TMEM182: variants seen among roughly 807,000 people sequenced by gnomAD.
TMEM182 encodes transmembrane protein 182.
In TMEM182, 20 loss-of-function variants were observed where a neutral mutation model predicts 26.8. The observed-to-expected ratio is 0.75, with a 90% CI of 0.53 to 1.09. TMEM182 has a LOEUF of 1.09. Among genes scored for constraint, TMEM182 ranks in the 50% least tolerant of loss-of-function variants. The pLI is 0.00. For missense variants in TMEM182, 277 were observed against 275.5 expected (o/e 1.01, Z -0.04); for synonymous variants, 109 against 102.2 (o/e 1.07, Z -0.40).
chr2:102,767,239 T>C (rs1258729950), intron 3 of TMEM182, among the ~76,000 whole-genome samples: 1 of 152,216 alleles, frequency 6.6e-6, no homozygotes, highest in Non-Finnish European at 1.5e-5. Context: ...GTTTTCTTTC[T>C]TTTAAAAGAA....
rs1680259495 is a variant in TMEM182, at chr2:102,762,614, G to T, written c.160G>T (p.Gly54Trp). The stretch of plus-strand genomic sequence containing the variant: ...AGAGAACGTCACTTTTCACCATGAA[G>T]GGTTCTTCTGGAGGTGTTGGTTTAA... ...NIENVTFHHE[G>W]FFWRCWFNGI... The change falls in exon 2 of 5, where the codon GGG (glycine) becomes TGG (tryptophan). Residue 54 changes from glycine to tryptophan, a missense_variant. Coordinates refer to ENST00000412401, the MANE Select transcript of TMEM182 (RefSeq NM_144632.5). The T allele has an allele frequency of 6.2e-7, 1 of 1,613,904 alleles. No individual in the cohort carries two copies. The highest frequency in any genetic ancestry group is 1.3e-5 in the African/African-American group (1 of 75,006).
downstream of TMEM182, among the ~76,000 whole-genome samples, chr2:102,822,485 G>A (rs1193422808): frequency 6.6e-6 from 1 of 152,200 alleles, no homozygotes; most frequent in African/African-American, 2.4e-5. Context: ...ATGGAAGTGT[G>A]GAGGTGGTTG....
downstream of TMEM182, among the ~76,000 whole-genome samples, chr2:102,819,667 A>G (rs1045540621): frequency 2.6e-5 from 4 of 152,236 alleles, no homozygotes; most frequent in Non-Finnish European, 4.4e-5. Flanking sequence ...ATGTATGTGT[A>G]TGTATGTAAA....
At chr2:102,798,106 A>C in intron 4 of TMEM182, 106 bp downstream of exon 4, 1 of 1,379,588 alleles carries the variant, frequency 7.2e-7, no homozygotes, top group Non-Finnish European at 9.8e-7. Flanking sequence ...CAGTAACACA[A>C]TAATATTTGT....
upstream of TMEM182, among the ~76,000 whole-genome samples, chr2:102,758,097 A>G (rs1023291490): frequency 1.3e-5 from 2 of 151,594 alleles, no homozygotes; most frequent in Non-Finnish European, 2.9e-5. Context: ...ATGTAAAGAT[A>G]GAGTCAATAT....
chr2:102,820,862 G>A (rs564418925), downstream of TMEM182, among the ~76,000 whole-genome samples: 52 of 152,310 alleles, frequency 3.4e-4, no homozygotes, highest in African/African-American at 1.2e-3. Flanking sequence ...TGAGGACAGG[G>A]AAGAAGCAAG....
chr2:102,781,742 T>A (rs1359700164), intron 3 of TMEM182, among the ~76,000 whole-genome samples: 3 of 152,184 alleles, frequency 2.0e-5, no homozygotes, highest in Non-Finnish European at 2.9e-5. Context: ...AATCTAATCC[T>A]TGGATTTAGT....
chr2:102,780,799 G>T (rs1054840287), intron 3 of TMEM182, among the ~76,000 whole-genome samples: 1 of 152,138 alleles, frequency 6.6e-6, no homozygotes, highest in East Asian at 1.9e-4. Flanking sequence ...GTAGCGGTGG[G>T]ACTGCAGTAT....
chr2:102,809,635 C>T (rs1573561127), intron 4 of TMEM182, among the ~76,000 whole-genome samples: 1 of 152,320 alleles, frequency 6.6e-6, no homozygotes, highest in East Asian at 1.9e-4. Flanking sequence ...ATTCCACAGG[C>T]TCAACGTTTG....
chr2:102,807,464 A>C (rs1338095677), intron 4 of TMEM182, among the ~76,000 whole-genome samples: 1 of 152,256 alleles, frequency 6.6e-6, no homozygotes, highest in African/African-American at 2.4e-5. Context: ...TAGCATACTA[A>C]TGTAAAGAAG....
Position 102,762,316 on chromosome 2 carries a change from A to C in TMEM182, c.99A>C (p.Ala33=), listed in dbSNP as rs766474454. 6.2e-7 allele frequency: 1 copy of C among 1,613,976 alleles called. No homozygotes were observed. The highest frequency in any genetic ancestry group is 2.2e-5 in the East Asian group (1 of 44,844). Residue 33 remains alanine (A), a synonymous_variant, in exon 1 of 5, where the codon GCA becomes GCC. Coordinates refer to ENST00000412401, the MANE Select transcript of TMEM182 (RefSeq NM_144632.5). Reference sequence around the variant, plus strand: ...TTGGATCGGATTATTGGCTTCTTGCAACTGAAGTGGGGAGATGTTCAGGTG... The same window carrying C: ...TTGGATCGGATTATTGGCTTCTTGCCACTGAAGTGGGGAGATGTTCAGGTG... ...VAFGSDYWLL[A]TEVGRCSGEK...
downstream of TMEM182, among the ~76,000 whole-genome samples, chr2:102,822,298 A>G (rs539458695): frequency 6.6e-6 from 1 of 152,226 alleles, no homozygotes; most frequent in African/African-American, 2.4e-5. Context: ...CAAACAGGGG[A>G]GGACAAGTGG....
At chr2:102,798,825 G>A (rs188483797) in intron 4 of TMEM182, among the ~76,000 whole-genome samples, 1 of 151,972 alleles carries the variant, frequency 6.6e-6, no homozygotes, top group East Asian at 1.9e-4. Flanking sequence ...GGATGACAGA[G>A]CGAGACTTTG....
chr2:102,835,360 T>C (rs1402410130), intron 3 of TMEM182, among the ~76,000 whole-genome samples: 2 of 152,180 alleles, frequency 1.3e-5, no homozygotes, highest in Non-Finnish European at 2.9e-5. Flanking sequence ...TATAGAAATT[T>C]CTCATGTGCT....
chr2:102,736,947 G>A (rs991030210), exon 1 of TMEM182: 22 of 1,114,586 alleles, frequency 2.0e-5, no homozygotes, highest in Middle Eastern at 6.2e-4. Context: ...CTCCGCGGGT[G>A]CGTGGCCGGT....
intron 4 of TMEM182, among the ~76,000 whole-genome samples, chr2:102,808,537 T>C (rs1166708135): frequency 6.6e-6 from 1 of 152,174 alleles, no homozygotes. Context: ...TTGTGCTCCA[T>C]ACAAAAATTT....
intron 3 of TMEM182, among the ~76,000 whole-genome samples, chr2:102,770,849 A>G (rs796429989): frequency 2.6e-5 from 4 of 152,318 alleles, no homozygotes; most frequent in African/African-American, 9.6e-5. Context: ...AAAATAAACT[A>G]CAAACATGAA....
intron 3 of TMEM182, among the ~76,000 whole-genome samples, chr2:102,767,142 T>A (rs1680485243): frequency 6.6e-6 from 1 of 152,236 alleles, no homozygotes; most frequent in Admixed American, 6.5e-5. Context: ...ATTTGTATCT[T>A]AACAAAAGAA....
rs1411104931 is a variant in TMEM182, at chr2:102,815,665, T to G, written c.*697T>G. ...ACTAGCAAATCTGCATACCAAATTA[T>G]GTATAACGTAGATTGAATTTTTATG... is the stretch of plus-strand genomic sequence containing the variant. On this transcript the variant is annotated 3_prime_UTR_variant, in exon 5 of 5. Coordinates refer to ENST00000412401, the MANE Select transcript of TMEM182 (RefSeq NM_144632.5). The G allele has an allele frequency of 1.9e-5, 19 of 984,610 alleles. No individual in the cohort carries two copies. The highest frequency in any genetic ancestry group is 2.3e-5 in the Non-Finnish European group (19 of 829,258). 61.0% of individuals were successfully genotyped at this position (984,610 alleles called of 1,614,324 possible).
Sources: gnomAD v4.1 joint callset for allele counts (sites outside exome capture counted in the v4.1 genomes callset) on GRCh38, gnomAD v4.1.1 for gene constraint, MANE v1.5 for transcripts, NCBI Gene and HGNC (gene_info 2026-07-23, HGNC 2026-07-21) for gene names.